Variants in ARHGAP42 observed in about 807,000 individuals in gnomAD.
ARHGAP42 encodes rho GTPase-activating protein 42.
ARHGAP42 carries 63 observed loss-of-function variants against 125.0 expected under a neutral mutation model. The observed-to-expected ratio is 0.50, with a 90% CI of 0.41 to 0.62. The LOEUF is 0.62. Ranked by LOEUF, ARHGAP42 falls within the 20% of genes least tolerant of loss-of-function variation. The probability of loss-of-function intolerance (pLI) is 0.00; values close to 1 mark genes in which losing one functional copy is unlikely to be tolerated. For synonymous variants in ARHGAP42, 339 were observed against 351.0 expected (o/e 0.97, Z 0.38); for missense variants, 766 against 1,024.2 (o/e 0.75, Z 3.44).
chr11:100,816,488 A>T (rs1017628395), intron 3 of ARHGAP42, among the ~76,000 whole-genome samples: 6 of 152,180 alleles, frequency 3.9e-5, no homozygotes, highest in African/African-American at 1.2e-4. Context: ...CTATTTCAAG[A>T]CACTGATGCA....
At chr11:100,820,107 G>C (rs1216641121) in intron 3 of ARHGAP42, among the ~76,000 whole-genome samples, 3 of 152,106 alleles carry the variant, frequency 2.0e-5, no homozygotes, top group Non-Finnish European at 4.4e-5. Flanking sequence ...TATTATTTCG[G>C]TGGTTCCCAG....
At chr11:100,752,112 T>C (rs1217893732) in intron 1 of ARHGAP42, among the ~76,000 whole-genome samples, 1 of 152,002 alleles carries the variant, frequency 6.6e-6, no homozygotes, top group Non-Finnish European at 1.5e-5. Context: ...TGCAGAAATG[T>C]TGATGTTCCA....
intron 9 of ARHGAP42, among the ~76,000 whole-genome samples, chr11:100,943,234 T>G (rs1404614840): frequency 6.6e-6 from 1 of 151,956 alleles, no homozygotes; most frequent in African/African-American, 2.4e-5. Flanking sequence ...GTAGCAATAC[T>G]ATTATATCAT....
At chr11:100,932,562 T>G (rs6590825) in intron 6 of ARHGAP42, among the ~76,000 whole-genome samples, 3,810 of 152,296 alleles carry the variant, frequency 0.025, 154 homozygotes, top group African/African-American at 0.086. Context: ...TGTAAAGATT[T>G]CACTTTCTCT....
chr11:100,929,263 C>G lies in ARHGAP42; in HGVS notation c.598-3893C>G, dbSNP rs531210601. 2.6e-5 allele frequency among the ~76,000 whole-genome samples: 4 copies of G among 152,316 alleles called. No homozygotes were observed. The South Asian group carries it at 8.3e-4, about 32-fold the overall frequency. On this transcript the variant is annotated intron_variant, in intron 6 of 23. Coordinates refer to ENST00000298815, the MANE Select transcript of ARHGAP42 (RefSeq NM_152432.4). Reference sequence around the variant, plus strand: ...ATAGGCCTCACTCTCCTATGAGAATCTAATGCCAGCACTGATCTGATAGGA... The same window carrying G: ...ATAGGCCTCACTCTCCTATGAGAATGTAATGCCAGCACTGATCTGATAGGA...
intron 1 of ARHGAP42, among the ~76,000 whole-genome samples, chr11:100,736,026 A>G (rs2120326859): frequency 6.6e-6 from 1 of 152,334 alleles, no homozygotes; most frequent in Middle Eastern, 3.4e-3. Flanking sequence ...AAAGGAAGCA[A>G]TAGAAAGGAA....
chr11:100,906,496 T>A (rs951405208), intron 4 of ARHGAP42, among the ~76,000 whole-genome samples: 1 of 152,202 alleles, frequency 6.6e-6, no homozygotes, highest in Admixed American at 6.5e-5. Context: ...CCATGTTTTT[T>A]AAACATTTTA....
intron 1 of ARHGAP42, among the ~76,000 whole-genome samples, chr11:100,692,588 A>G (rs921145355): frequency 1.3e-5 from 2 of 151,992 alleles, no homozygotes; most frequent in African/African-American, 2.4e-5. Context: ...TTTGTTTATT[A>G]CTCGGTCATG....
chr11:100,766,603 T>G (rs1393782008), intron 1 of ARHGAP42, among the ~76,000 whole-genome samples: 1 of 152,186 alleles, frequency 6.6e-6, no homozygotes, highest in Admixed American at 6.5e-5. Flanking sequence ...ATGGAAGATA[T>G]TGGGCTTTCT....
intron 1 of ARHGAP42, among the ~76,000 whole-genome samples, chr11:100,717,857 C>T (rs371430425): frequency 1.5e-4 from 21 of 137,990 alleles, no homozygotes; most frequent in African/African-American, 5.2e-4. Flanking sequence ...ACCCAGGAGG[C>T]GGAGGTTGCA....
chr11:100,770,491 T>C (rs1245263367), intron 2 of ARHGAP42, 53 bp downstream of exon 2: 3 of 1,205,408 alleles, frequency 2.5e-6, no homozygotes, highest in East Asian at 5.2e-5. Context: ...TTTACTGAAA[T>C]CAAATAGACA....
At chr11:100,903,517 ATTATGT>A in intron 4 of ARHGAP42, among the ~76,000 whole-genome samples, 1 of 151,244 alleles carries the variant, frequency 6.6e-6, no homozygotes, top group South Asian at 2.1e-4. Flanking sequence ...GGTATGCAGA[ATTATGT>A]AACCCTAGTT....
At chr11:100,898,574 G>A (rs1015987134) in intron 4 of ARHGAP42, among the ~76,000 whole-genome samples, 1 of 152,090 alleles carries the variant, frequency 6.6e-6, no homozygotes, top group Non-Finnish European at 1.5e-5. Flanking sequence ...TCTTGGGAGG[G>A]TGCATGTGTT....
Position 100,993,818 on chromosome 11 carries a change from T to A in ARHGAP42, c.*5017T>A, listed in dbSNP as rs1003574532. On this transcript the variant is annotated 3_prime_UTR_variant, in exon 24 of 24. Coordinates refer to ENST00000298815, the MANE Select transcript of ARHGAP42 (RefSeq NM_152432.4). ...TGCACTTTGTGTATATATACACACA[T>A]ACATATGCCAACATGTAAATAACCT... 6.0e-6 allele frequency: 1 copy of A among 167,088 alleles called. No individual in the cohort carries two copies. The highest frequency in any genetic ancestry group is 2.4e-5 in the African/African-American group (1 of 41,464). The allele number at this position is 167,088 out of a possible 1,614,324, so 10.4% of individuals were successfully genotyped here.
At chr11:100,966,257 C>A (rs1319741351) in intron 17 of ARHGAP42, among the ~76,000 whole-genome samples, 1 of 152,104 alleles carries the variant, frequency 6.6e-6, no homozygotes, top group African/African-American at 2.4e-5. Flanking sequence ...CATATATTTA[C>A]CATCTCTCTT....
chr11:100,986,798 A>G (rs1181280122), intron 22 of ARHGAP42, among the ~76,000 whole-genome samples: 1 of 151,910 alleles, frequency 6.6e-6, no homozygotes, highest in Non-Finnish European at 1.5e-5. Context: ...GTTGGCTCAA[A>G]TATTTTTGGA....
intron 6 of ARHGAP42, among the ~76,000 whole-genome samples, chr11:100,928,728 C>A (rs1401514434): frequency 1.3e-5 from 2 of 152,118 alleles, no homozygotes; most frequent in Non-Finnish European, 2.9e-5. Context: ...ATTTTCATCA[C>A]CTTAAAAATA....
Position 100,859,538 on chromosome 11 carries a change from G to T in ARHGAP42, c.313-16G>T. On this transcript the variant is annotated splice_polypyrimidine_tract_variant and intron_variant, in intron 3 of 23. Transcript: ENST00000298815. ...AAATTATGCAAGATTTAATATATGT[G>T]CATTTTTTATTTCAGATCCAAAACG... The T allele has an allele frequency of 5.9e-6, 9 of 1,527,236 alleles. No individual in the cohort carries two copies. Among genetic ancestry groups the T allele is most frequent in the East Asian group, 2.5e-5 (1 of 39,930 alleles). The allele number at this position is 1,527,236 out of a possible 1,614,324, so 94.6% of individuals were successfully genotyped here. A position where few individuals can be genotyped will look rare whatever the true frequency, so the allele number is the denominator to read the frequency against.
intron 1 of ARHGAP42, among the ~76,000 whole-genome samples, chr11:100,729,201 T>A (rs536405722): frequency 6.6e-6 from 1 of 152,190 alleles, no homozygotes; most frequent in East Asian, 1.9e-4. Context: ...ATTTGTTTAT[T>A]TAATTAGTAT....
Sources: allele counts gnomAD v4.1 joint callset (sites outside exome capture counted in the v4.1 genomes callset), GRCh38; gene constraint gnomAD v4.1.1; transcripts MANE v1.5; gene names NCBI Gene and HGNC (gene_info 2026-07-23, HGNC 2026-07-21).